Variants in LRP1B observed in about 807,000 individuals in gnomAD.
LRP1B encodes low-density lipoprotein receptor-related protein 1B.
A neutral mutation model predicts 556.6 loss-of-function variants in LRP1B; 217 were observed. That is an observed-to-expected ratio of 0.39 (90% CI 0.35 to 0.44). The LOEUF (loss-of-function observed/expected upper bound fraction) is 0.44. LRP1B is among the 20% of genes least tolerant of loss of function. The pLI is 1.00. For synonymous variants in LRP1B, 2,047 were observed against 1,865.8 expected (o/e 1.10, Z -2.50); for missense variants, 5,053 against 5,620.8 (o/e 0.90, Z 3.23).
At chr2:141,961,384 G>A (rs902829402) in intron 1 of LRP1B, among the ~76,000 whole-genome samples, 1 of 151,656 alleles carries the variant, frequency 6.6e-6, no homozygotes, top group Admixed American at 6.6e-5. Context: ...TTCATGATTG[G>A]TTTAAAATTC....
chr2:140,879,285 T>A (rs1198437626), intron 25 of LRP1B, among the ~76,000 whole-genome samples: 3 of 152,206 alleles, frequency 2.0e-5, no homozygotes, highest in African/African-American at 7.2e-5. Context: ...TCTCTATATT[T>A]ATATTTACCA....
At chr2:141,276,877 T>C (rs1251286487) in intron 3 of LRP1B, among the ~76,000 whole-genome samples, 2 of 152,032 alleles carry the variant, frequency 1.3e-5, no homozygotes, top group Non-Finnish European at 2.9e-5. Flanking sequence ...AGGATGGTCT[T>C]GATCTCCTGA....
chr2:140,971,408 C>A (rs918645674), intron 18 of LRP1B, among the ~76,000 whole-genome samples: 5 of 152,164 alleles, frequency 3.3e-5, no homozygotes, highest in African/African-American at 9.7e-5. Flanking sequence ...GACTTTTGGC[C>A]TCCAGAACTG....
At chr2:140,732,574 G>A (rs1367610093) in intron 35 of LRP1B, among the ~76,000 whole-genome samples, 1 of 152,002 alleles carries the variant, frequency 6.6e-6, no homozygotes, top group African/African-American at 2.4e-5. Flanking sequence ...CAGGAACAGG[G>A]TTACTGAAAA....
rs199497759 is a variant in LRP1B at position 141,404,887 on chromosome 2, G to GT, written c.343+75508dup. On this transcript the variant is annotated intron_variant, in intron 3 of 90. Coordinates refer to ENST00000389484, the MANE Select transcript of LRP1B (RefSeq NM_018557.3). ...AAGCCTTGATTAAAATAGAGAATAT[G>GT]TTTTTTTTTTTTACCATAGATATTT... Among the ~76,000 whole-genome samples the GT allele has an allele frequency of 7.5e-3, 1,088 of 144,530 alleles. 7 individuals are homozygous for GT. Among genetic ancestry groups the GT allele is most frequent in the African/African-American group, 0.022 (868 of 39,798 alleles). The allele number at this position is 144,530 out of a possible 152,430, so 94.8% of individuals were successfully genotyped here. A position where few individuals can be genotyped will look rare whatever the true frequency, so the allele number is the denominator to read the frequency against.
chr2:141,389,730 T>C (rs897092353), intron 3 of LRP1B, among the ~76,000 whole-genome samples: 2 of 152,114 alleles, frequency 1.3e-5, no homozygotes, highest in Admixed American at 6.5e-5. Flanking sequence ...TTTCAAATAA[T>C]ATATCCGATA....
intron 41 of LRP1B, among the ~76,000 whole-genome samples, chr2:140,651,159 G>C (rs1209429750): frequency 6.6e-6 from 1 of 152,056 alleles, no homozygotes; most frequent in African/African-American, 2.4e-5. Context: ...CTGGCAGTAA[G>C]TTTGGGAGAT....
At chr2:141,821,251 A>G in intron 1 of LRP1B, among the ~76,000 whole-genome samples, 1 of 152,200 alleles carries the variant, frequency 6.6e-6, no homozygotes, top group East Asian at 1.9e-4. Context: ...GTAATTTGTT[A>G]CGATAGCAAA....
intron 61 of LRP1B, among the ~76,000 whole-genome samples, chr2:140,457,160 A>AT (rs2105323095): frequency 6.6e-6 from 1 of 152,304 alleles, no homozygotes; most frequent in South Asian, 2.1e-4. Flanking sequence ...AGGATCCTCT[A>AT]TTTTGTAAAC....
intron 43 of LRP1B, among the ~76,000 whole-genome samples, chr2:140,543,395 G>T (rs1680208378): frequency 6.6e-6 from 1 of 151,888 alleles, no homozygotes; most frequent in Non-Finnish European, 1.5e-5. Flanking sequence ...TCAATAAAAT[G>T]GTTAATACAT....
chr2:140,322,787 G>A (rs1680218969), intron 81 of LRP1B, among the ~76,000 whole-genome samples: 1 of 151,910 alleles, frequency 6.6e-6, no homozygotes, highest in Non-Finnish European at 1.5e-5. Flanking sequence ...GGGCACCCAG[G>A]TAGCTGAGCT....
intron 1 of LRP1B, among the ~76,000 whole-genome samples, chr2:142,022,788 A>G (rs768933378): frequency 2.0e-5 from 3 of 152,158 alleles, no homozygotes; most frequent in Non-Finnish European, 4.4e-5. Context: ...CTCCTGCCTC[A>G]GCTTCCTGAG....
chr2:141,106,909 C>A (rs1372362950), intron 7 of LRP1B, among the ~76,000 whole-genome samples: 4 of 152,090 alleles, frequency 2.6e-5, no homozygotes, highest in African/African-American at 9.7e-5. Flanking sequence ...AAAGAATATT[C>A]CTAAAAATAA....
chr2:141,750,452 G>C (rs1032281445), intron 2 of LRP1B, among the ~76,000 whole-genome samples: 1 of 151,962 alleles, frequency 6.6e-6, no homozygotes, highest in African/African-American at 2.4e-5. Flanking sequence ...GAAACCAAAA[G>C]GAAAAGAAAA....
At chr2:141,076,435 G>A (rs1699789328) in intron 7 of LRP1B, among the ~76,000 whole-genome samples, 1 of 152,158 alleles carries the variant, frequency 6.6e-6, no homozygotes, top group African/African-American at 2.4e-5. Context: ...CTCTAAAATA[G>A]TGATTCTTAA....
intron 2 of LRP1B, among the ~76,000 whole-genome samples, chr2:141,769,873 C>T (rs1010937168): frequency 1.3e-5 from 2 of 152,068 alleles, no homozygotes; most frequent in Non-Finnish European, 2.9e-5. Context: ...TAGTCTCATT[C>T]CTTTCATGGC....
intron 1 of LRP1B, among the ~76,000 whole-genome samples, chr2:141,912,461 G>A (rs1303653786): frequency 1.3e-5 from 2 of 152,030 alleles, no homozygotes; most frequent in Non-Finnish European, 2.9e-5. Flanking sequence ...AAATAAGAAC[G>A]GAAAAAGGCT....
chr2:141,006,693 T>G (rs1697586192), intron 14 of LRP1B, among the ~76,000 whole-genome samples: 1 of 152,012 alleles, frequency 6.6e-6, no homozygotes. Flanking sequence ...CATGTTTAAG[T>G]GACCACTTTT....
At chr2:141,465,308 T>G (rs1445208715) in intron 3 of LRP1B, among the ~76,000 whole-genome samples, 2 of 149,122 alleles carry the variant, frequency 1.3e-5, no homozygotes, top group Non-Finnish European at 3.0e-5. Context: ...GGCTAGGGAG[T>G]GTGAGGGGAG....
Sources: allele counts gnomAD v4.1 joint callset (sites outside exome capture counted in the v4.1 genomes callset), GRCh38; gene constraint gnomAD v4.1.1; transcripts MANE v1.5; gene names NCBI Gene and HGNC (gene_info 2026-07-23, HGNC 2026-07-21).